The following TPBGL variants were observed in gnomAD, a reference collection of about 807,000 sequenced individuals.
The protein encoded by TPBGL is trophoblast glycoprotein like, also known as trophoblast glycoprotein-like.
For synonymous variants in TPBGL, 380 were observed against 314.8 expected, an observed-to-expected ratio of 1.21 and a Z score of -2.19; for missense variants, 685 against 609.4, an observed-to-expected ratio of 1.12 and a Z score of -1.31.
At position 75,241,941 on chromosome 11, in the gene TPBGL, GAGGC is replaced by G. The variant is rs1326546492; in HGVS notation, c.893_896del (p.Glu298AlafsTer30). ...CGCCGACGCTCGCGGAGAGGAGGCG[GAGGC>G]CGCCGGCCCGGAGCTGGAAGCCTCC... On this transcript the variant is annotated frameshift_variant, in exon 1 of 1. Coordinates refer to ENST00000562197, the MANE Select transcript of TPBGL (RefSeq NM_001195528.2). LOFTEE classifies it low-confidence loss of function (END_TRUNC). 6.7e-7 allele frequency: 1 copy of G among 1,487,554 alleles called. No individual in the cohort carries two copies. The allele number at this position is 1,487,554 out of a possible 1,614,324, so 92.1% of individuals were successfully genotyped here.
Position 75,241,542 on chromosome 11 carries a change from G to A in TPBGL, c.493G>A (p.Asp165Asn). ...RGGPALLAAL[D>N]AALAPLAELR... ...CGGCCCCGCGCTGCTGGCCGCGCTG[G>A]ACGCTGCGCTGGCACCGCTGGCCGA... is the stretch of plus-strand genomic sequence containing the variant. Residue 165 changes from aspartate (D) to asparagine (N), a missense_variant, in exon 1 of 1, where the codon GAC becomes AAC. Asp to Asn is a conservative substitution (Grantham distance 23, BLOSUM62 1). Coordinates refer to ENST00000562197, the MANE Select transcript of TPBGL (RefSeq NM_001195528.2). 2 of 1,253,730 alleles carry A rather than the reference G, an allele frequency of 1.6e-6. No homozygotes were observed. Among genetic ancestry groups the A allele is most frequent in the South Asian group, 2.1e-5 (1 of 47,822 alleles). The allele number at this position is 1,253,730 out of a possible 1,614,324, so 77.7% of individuals were successfully genotyped here. A position where few individuals can be genotyped will look rare whatever the true frequency, so the allele number is the denominator to read the frequency against.
chr11:75,241,630 T>A lies in TPBGL; in HGVS notation c.581T>A (p.Leu194Gln). 1 of 1,313,496 alleles carries A rather than the reference T, an allele frequency of 7.6e-7. No homozygotes were observed. The highest frequency in any genetic ancestry group is 9.8e-7 in the Non-Finnish European group (1 of 1,024,342). 81.4% of individuals were successfully genotyped at this position (1,313,496 alleles called of 1,614,324 possible). A position where few individuals can be genotyped will look rare whatever the true frequency, so the allele number is the denominator to read the frequency against. ...CGTCTGCCGCCAGCCGCCCTGCGCC[T>A]GGCGCGCCTGGAGCAGCTGGACGTG... is the stretch of plus-strand genomic sequence containing the variant. ...LSRLPPAALR[L>Q]ARLEQLDVRL... The change falls in exon 1 of 1, where the codon CTG (leucine) becomes CAG (glutamine). Residue 194 changes from leucine (L) to glutamine (Q), a missense_variant. By Grantham distance (113) the Leu-to-Gln change is moderately radical. Transcript: ENST00000562197.
At position 75,241,081 on chromosome 11, in the gene TPBGL, AG is replaced by A; in HGVS notation, c.36del (p.Leu13CysfsTer8). On this transcript the variant is annotated frameshift_variant, in exon 1 of 1. Coordinates refer to ENST00000562197, the MANE Select transcript of TPBGL (RefSeq NM_001195528.2). LOFTEE classifies it low-confidence loss of function (END_TRUNC). ...CCGCGCGCGGGACAGCCGGGGCTCC[AG>A]GGGCTGCTGCTCGTGGCGGCGGCGC... MAPRAGQPGL[Q>X]GLLLVAAALS... 1.5e-6 allele frequency: 2 copies of A among 1,326,580 alleles called. No homozygotes were observed. The highest frequency in any genetic ancestry group is 2.0e-5 in the South Asian group (1 of 51,094). The allele number at this position is 1,326,580 out of a possible 1,614,324, so 82.2% of individuals were successfully genotyped here.
At position 75,241,246 on chromosome 11, in the gene TPBGL, T is replaced by C. The variant is rs1421154987; in HGVS notation, c.197T>C (p.Val66Ala). 2 of 1,427,902 alleles carry C rather than the reference T, an allele frequency of 1.4e-6. No homozygotes were observed. Among genetic ancestry groups the C allele is most frequent in the Non-Finnish European group, 9.1e-7 (1 of 1,092,948 alleles). The allele number at this position is 1,427,902 out of a possible 1,614,324, so 88.5% of individuals were successfully genotyped here. ...VPPDARNLTI[V>A]GANLTVLRAA... ...CCCGACGCGCGCAACCTCACCATCG[T>C]AGGCGCCAACCTGACGGTGCTGCGC... The change falls in exon 1 of 1, where the codon GTA becomes GCA. Residue 66 changes from valine to alanine, a missense_variant. Physicochemically the swap from Val to Ala is moderately conservative, Grantham distance 64 (BLOSUM62 0). Transcript: ENST00000562197.
chr11:75,243,030 A>G lies in TPBGL; in HGVS notation c.*832A>G, dbSNP rs1323042734. The G allele has an allele frequency of 9.2e-6, 1 of 108,634 alleles. No homozygotes were observed. Among genetic ancestry groups the G allele is most frequent in the Non-Finnish European group, 1.9e-5 (1 of 51,494 alleles). The allele number at this position is 108,634 out of a possible 1,614,324, so 6.7% of individuals were successfully genotyped here. On this transcript the variant is annotated 3_prime_UTR_variant, in exon 1 of 1. Coordinates refer to ENST00000562197, the MANE Select transcript of TPBGL (RefSeq NM_001195528.2). ...GCCTTTGGCTCTTGACCCCCCCCCC[A>G]TACCCAATGCTGGCACTCAGCACCC...
In TPBGL at chr11:75,241,422, C is replaced by A. The variant is rs1945597161; in HGVS notation, c.373C>A (p.Leu125Ile). Reference protein sequence around the residue: ...DGLPSLAALDLSHNPLRALGG... With the variant: ...DGLPSLAALDISHNPLRALGG... ...GCTGCCCAGCCTGGCGGCGCTCGACCTCAGCCACAACCCGCTGCGCGCCCT... is the reference window on the plus strand; with the variant it reads ...GCTGCCCAGCCTGGCGGCGCTCGACATCAGCCACAACCCGCTGCGCGCCCT... Residue 125 changes from leucine to isoleucine, a missense_variant, in exon 1 of 1, where the codon CTC (leucine) becomes ATC (isoleucine). Leu to Ile is a conservative substitution (Grantham distance 5). Coordinates refer to ENST00000562197, the MANE Select transcript of TPBGL (RefSeq NM_001195528.2). 3.7e-6 allele frequency: 5 copies of A among 1,337,474 alleles called. No individual in the cohort carries two copies. In the East Asian group the frequency reaches 1.6e-4, roughly 44 times the overall value. The allele number at this position is 1,337,474 out of a possible 1,614,324, so 82.9% of individuals were successfully genotyped here.
chr11:75,241,131 C>G lies in TPBGL; in HGVS notation c.82C>G (p.Pro28Ala). The G allele has an allele frequency of 6.9e-7, 1 of 1,441,130 alleles. No individual in the cohort carries two copies. Among genetic ancestry groups the G allele is most frequent in the Non-Finnish European group, 9.1e-7 (1 of 1,097,848 alleles). The allele number at this position is 1,441,130 out of a possible 1,614,324, so 89.3% of individuals were successfully genotyped here. A position where few individuals can be genotyped will look rare whatever the true frequency, so the allele number is the denominator to read the frequency against. The change falls in exon 1 of 1, where the codon CCC becomes GCC. Residue 28 changes from proline to alanine, a missense_variant. Pro to Ala is a conservative substitution (Grantham distance 27). Transcript: ENST00000562197. The part of the protein sequence containing the change: ...AALSQPAAPC[P>A]FQCYCFGGPK... ...GCTGAGCCAGCCCGCGGCACCCTGC[C>G]CCTTCCAGTGCTACTGCTTCGGCGG... is the stretch of plus-strand genomic sequence containing the variant.
rs1257949886 is a variant in TPBGL, at chr11:75,241,624, T to TGCGCCTGGC, written c.584_592dup (p.Ala195_Leu197dup). The TGCGCCTGGC allele has an allele frequency of 7.6e-6, 10 of 1,314,600 alleles. No individual in the cohort carries two copies. The highest frequency in any genetic ancestry group is 2.9e-4 in the Middle Eastern group (1 of 3,416). 81.4% of individuals were successfully genotyped at this position (1,314,600 alleles called of 1,614,324 possible). A position where few individuals can be genotyped will look rare whatever the true frequency, so the allele number is the denominator to read the frequency against. ...CTGAGCCGTCTGCCGCCAGCCGCCC[T>TGCGCCTGGC]GCGCCTGGCGCGCCTGGAGCAGCTG... On this transcript the variant is annotated inframe_insertion, in exon 1 of 1. Coordinates refer to ENST00000562197, the MANE Select transcript of TPBGL (RefSeq NM_001195528.2).
Position 75,242,311 on chromosome 11 carries a change from C to A in TPBGL, c.*113C>A. On this transcript the variant is annotated 3_prime_UTR_variant, in exon 1 of 1. Coordinates refer to ENST00000562197, the MANE Select transcript of TPBGL (RefSeq NM_001195528.2). ...CCTGACTCGGAGGCGCTAAGCCGTA[C>A]CCTCTCGTTCCCGCCTCCGAGAGCT... is the stretch of plus-strand genomic sequence containing the variant. 4.8e-6 allele frequency: 5 copies of A among 1,032,452 alleles called. No individual in the cohort carries two copies. The highest frequency in any genetic ancestry group is 5.8e-6 in the Non-Finnish European group (5 of 860,518). The allele number at this position is 1,032,452 out of a possible 1,614,324, so 64.0% of individuals were successfully genotyped here.
Position 75,242,219 on chromosome 11 carries a change from G to A in TPBGL, c.*21G>A. 1 of 1,094,674 alleles carries A rather than the reference G, an allele frequency of 9.1e-7. No individual in the cohort carries two copies. The highest frequency in any genetic ancestry group is 1.1e-6 in the Non-Finnish European group (1 of 902,914). The allele number at this position is 1,094,674 out of a possible 1,614,324, so 67.8% of individuals were successfully genotyped here. ...TCTGAGCGGCGCCCCCGGGCTCGGG[G>A]CTTCCCTTGCCTGGCCCGAAGCCGT... On this transcript the variant is annotated 3_prime_UTR_variant, in exon 1 of 1. Transcript: ENST00000562197.
Position 75,241,154 on chromosome 11 carries a change from C to T in TPBGL, c.105C>T (p.Gly35=). The change falls in exon 1 of 1, where the codon GGC becomes GGT. Residue 35 remains glycine (G), a synonymous_variant. Coordinates refer to ENST00000562197, the MANE Select transcript of TPBGL (RefSeq NM_001195528.2). ...APCPFQCYCF[G]GPKLLLRCAS... ...GCCCCTTCCAGTGCTACTGCTTCGGCGGCCCCAAGCTGCTGCTGCGCTGCG... is the reference window on the plus strand; with the variant it reads ...GCCCCTTCCAGTGCTACTGCTTCGGTGGCCCCAAGCTGCTGCTGCGCTGCG... 1.4e-6 allele frequency: 2 copies of T among 1,449,546 alleles called. No individual in the cohort carries two copies. Among genetic ancestry groups the T allele is most frequent in the African/African-American group, 1.5e-5 (1 of 67,802 alleles). 89.8% of individuals were successfully genotyped at this position (1,449,546 alleles called of 1,614,324 possible). A position where few individuals can be genotyped will look rare whatever the true frequency, so the allele number is the denominator to read the frequency against.
chr11:75,241,998 C>G lies in TPBGL; in HGVS notation c.949C>G (p.Leu317Val). Residue 317 changes from leucine to valine, a missense_variant, in exon 1 of 1, where the codon CTC becomes GTC. Transcript: ENST00000562197. ...CGTGTTCTTCGGGCTGGTGCTGGCACTCATCGGCCTCATCTTCCTCATGGT... is the reference window on the plus strand; with the variant it reads ...CGTGTTCTTCGGGCTGGTGCTGGCAGTCATCGGCCTCATCTTCCTCATGGT... ...SYVFFGLVLA[L>V]IGLIFLMVLY... The G allele has an allele frequency of 6.7e-7, 1 of 1,490,956 alleles. No homozygotes were observed. The highest frequency in any genetic ancestry group is 8.9e-7 in the Non-Finnish European group (1 of 1,122,992). The allele number at this position is 1,490,956 out of a possible 1,614,324, so 92.4% of individuals were successfully genotyped here. A position where few individuals can be genotyped will look rare whatever the true frequency, so the allele number is the denominator to read the frequency against.
Position 75,241,982 on chromosome 11 carries a change from C to T in TPBGL, c.933C>T (p.Phe311=), listed in dbSNP as rs1945604910. The change falls in exon 1 of 1, where the codon TTC becomes TTT. Residue 311 remains phenylalanine, a synonymous_variant. Coordinates refer to ENST00000562197, the MANE Select transcript of TPBGL (RefSeq NM_001195528.2). ...GPELEASYVF[F]GLVLALIGLI... Reference sequence around the variant, plus strand: ...AGCTGGAAGCCTCCTACGTGTTCTTCGGGCTGGTGCTGGCACTCATCGGCC... The same window carrying T: ...AGCTGGAAGCCTCCTACGTGTTCTTTGGGCTGGTGCTGGCACTCATCGGCC... The T allele has an allele frequency of 4.7e-6, 7 of 1,498,664 alleles. No individual in the cohort carries two copies. In the East Asian group the frequency reaches 1.6e-4, roughly 34 times the overall value. The allele number at this position is 1,498,664 out of a possible 1,614,324, so 92.8% of individuals were successfully genotyped here. A position where few individuals can be genotyped will look rare whatever the true frequency, so the allele number is the denominator to read the frequency against.
rs1277493306 is a variant in TPBGL at position 75,242,179 on chromosome 11, C to T, written c.1130C>T (p.Ser377Phe). 8.6e-7 allele frequency: 1 copy of T among 1,161,224 alleles called. No individual in the cohort carries two copies. Among genetic ancestry groups the T allele is most frequent in the Non-Finnish European group, 1.1e-6 (1 of 946,392 alleles). 71.9% of individuals were successfully genotyped at this position (1,161,224 alleles called of 1,614,324 possible). A position where few individuals can be genotyped will look rare whatever the true frequency, so the allele number is the denominator to read the frequency against. The part of the protein sequence containing the change: ...PAAPAGSRAT[S>F]PGSGL The stretch of plus-strand genomic sequence containing the variant: ...GCGCCCGCGGGCTCCCGCGCCACCT[C>T]CCCGGGCTCGGGGCTCTGAGCGGCG... The change falls in exon 1 of 1, where the codon TCC (serine) becomes TTC (phenylalanine). Residue 377 changes from serine (S) to phenylalanine (F), a missense_variant. Physicochemically the swap from Ser to Phe is radical, Grantham distance 155 (BLOSUM62 -2). Coordinates refer to ENST00000562197, the MANE Select transcript of TPBGL (RefSeq NM_001195528.2).
chr11:75,242,938 C>G lies in TPBGL; in HGVS notation c.*740C>G, dbSNP rs574966320. ...ACCAGGGCGCTGACCTCCCGATACT[C>G]AGTGCTGGTCCCCAGTCTCAGACTC... On this transcript the variant is annotated 3_prime_UTR_variant, in exon 1 of 1. Transcript: ENST00000562197. 6 of 152,498 alleles carry G rather than the reference C, an allele frequency of 3.9e-5. No individual in the cohort carries two copies. The East Asian group carries it at 1.2e-3, about 29-fold the overall frequency. 9.4% of individuals were successfully genotyped at this position (152,498 alleles called of 1,614,324 possible).
rs1210753106 is a variant in TPBGL at position 75,242,640 on chromosome 11, T to A, written c.*442T>A. On this transcript the variant is annotated 3_prime_UTR_variant, in exon 1 of 1. Coordinates refer to ENST00000562197, the MANE Select transcript of TPBGL (RefSeq NM_001195528.2). ...GCACAGCACCCCCATCAGAATGGTTTTGTGGATTTTGAGCCCTTTGTCCCA... is the reference window on the plus strand; with the variant it reads ...GCACAGCACCCCCATCAGAATGGTTATGTGGATTTTGAGCCCTTTGTCCCA... 1.3e-5 allele frequency: 2 copies of A among 152,180 alleles called. No homozygotes were observed. The highest frequency in any genetic ancestry group is 2.9e-5 in the Non-Finnish European group (2 of 68,096). The allele number at this position is 152,180 out of a possible 1,614,324, so 9.4% of individuals were successfully genotyped here.
Position 75,240,894 on chromosome 11 carries a change from A to T in TPBGL, c.-156A>T. The T allele has an allele frequency of 4.8e-6, 2 of 419,182 alleles. No homozygotes were observed. Among genetic ancestry groups the T allele is most frequent in the Non-Finnish European group, 7.5e-6 (2 of 266,040 alleles). 26.0% of individuals were successfully genotyped at this position (419,182 alleles called of 1,614,324 possible). A position where few individuals can be genotyped will look rare whatever the true frequency, so the allele number is the denominator to read the frequency against. On this transcript the variant is annotated 5_prime_UTR_variant, in exon 1 of 1. Coordinates refer to ENST00000562197, the MANE Select transcript of TPBGL (RefSeq NM_001195528.2). ...TCTTGCCCCCGGCCAGTCAGCCAGT[A>T]AGTGCGGCTCCTCAGACTTTCGAGA...
Position 75,241,009 on chromosome 11 carries a change from T to A in TPBGL, c.-41T>A, listed in dbSNP as rs1279227707. 3.4e-5 allele frequency: 41 copies of A among 1,198,324 alleles called. No individual in the cohort carries two copies. Among genetic ancestry groups the A allele is most frequent in the Non-Finnish European group, 4.2e-5 (41 of 966,864 alleles). The allele number at this position is 1,198,324 out of a possible 1,614,324, so 74.2% of individuals were successfully genotyped here. A position where few individuals can be genotyped will look rare whatever the true frequency, so the allele number is the denominator to read the frequency against. On this transcript the variant is annotated 5_prime_UTR_variant, in exon 1 of 1. Transcript: ENST00000562197. ...CCACCAGGCGCTCCCAACTCACTGGTGAGCGCGGCGGCCCGGGCGCTGGAT... is the reference window on the plus strand; with the variant it reads ...CCACCAGGCGCTCCCAACTCACTGGAGAGCGCGGCGGCCCGGGCGCTGGAT...
In TPBGL at chr11:75,241,659, C is replaced by G. The variant is rs902588223; in HGVS notation, c.610C>G (p.Leu204Val). The G allele has an allele frequency of 3.1e-6, 4 of 1,308,916 alleles. No homozygotes were observed. The East Asian group carries it at 1.5e-4, about 50-fold the overall frequency. 81.1% of individuals were successfully genotyped at this position (1,308,916 alleles called of 1,614,324 possible). The change falls in exon 1 of 1, where the codon CTC (leucine) becomes GTC (valine). Residue 204 changes from leucine (L) to valine (V), a missense_variant. Coordinates refer to ENST00000562197, the MANE Select transcript of TPBGL (RefSeq NM_001195528.2). Reference sequence around the variant, plus strand: ...GCGCCTGGAGCAGCTGGACGTGCGCCTCAACGCGCTGGCCGGCCTGGACCC... The same window carrying G: ...GCGCCTGGAGCAGCTGGACGTGCGCGTCAACGCGCTGGCCGGCCTGGACCC... ...LARLEQLDVRLNALAGLDPDE... is the reference protein window; with the variant it reads ...LARLEQLDVRVNALAGLDPDE...
Sources: allele counts gnomAD v4.1 joint callset, GRCh38; gene constraint gnomAD v4.1.1; transcripts MANE v1.5; gene names NCBI Gene and HGNC (gene_info 2026-07-23, HGNC 2026-07-21).